Variants in DIAPH2 observed in about 807,000 individuals in gnomAD.
DIAPH2 encodes diaphanous related formin 2.
A neutral mutation model predicts 92.7 loss-of-function variants in DIAPH2; 35 were observed. The ratio of observed to expected loss-of-function variants is 0.38; its 90% CI spans 0.29 to 0.50. DIAPH2 has a LOEUF of 0.50. Ranked by LOEUF, DIAPH2 falls within the 20% of genes least tolerant of loss-of-function variation. The pLI is 0.94. For synonymous variants in DIAPH2, 301 were observed against 280.4 expected (o/e 1.07, Z -0.73); for missense variants, 701 against 819.5 (o/e 0.86, Z 1.77).
rs1184858557 is a variant in DIAPH2 at position 96,962,490 on chromosome X, C to CATATATAT, written c.1936-2602_1936-2601insTATATATA. ...ATACATATATATATACACACACACACACACACATATATATATATATATATA... is the reference window on the plus strand; with the variant it reads ...ATACATATATATATACACACACACACATATATATACACACATATATATATATATATATA... On this transcript the variant is annotated intron_variant, in intron 16 of 26. Transcript: ENST00000324765. Among the ~76,000 whole-genome samples, 39 of 48,920 alleles carry CATATATAT rather than the reference C, an allele frequency of 8.0e-4. 5 individuals carry two copies. The highest frequency in any genetic ancestry group is 4.5e-3 in the African/African-American group (38 of 8,397). 42.5% of individuals were successfully genotyped at this position (48,920 alleles called of 115,157 possible).
rs2070337032 is a variant in DIAPH2 at position 97,449,093 on chromosome X, T to G, written c.3241+19348T>G. 2.7e-5 allele frequency among the ~76,000 whole-genome samples: 3 copies of G among 112,066 alleles called. No individual in the cohort carries two copies. The South Asian group carries it at 1.1e-3, about 41-fold the overall frequency. On this transcript the variant is annotated intron_variant, in intron 26 of 26. Coordinates refer to ENST00000324765, the MANE Select transcript of DIAPH2 (RefSeq NM_006729.5). ...CATTTGCTATGTTAATTTTTTACTT[T>G]GGGACTTTTTAATGCCAGATTTGTG...
At chrX:96,704,403 A>T (rs2063872043) in intron 1 of DIAPH2, among the ~76,000 whole-genome samples, 1 of 111,746 alleles carries the variant, frequency 8.9e-6, no homozygotes, top group Admixed American at 9.5e-5. Context: ...TTGAGTCAAA[A>T]TATTGCCTGG....
chrX:97,066,773 A>G (rs1021377356), intron 17 of DIAPH2, among the ~76,000 whole-genome samples: 1 of 112,068 alleles, frequency 8.9e-6, no homozygotes, highest in African/African-American at 3.2e-5. Flanking sequence ...CAGGTGTGCA[A>G]GTATATTAGT....
intron 22 of DIAPH2, among the ~76,000 whole-genome samples, chrX:97,197,554 C>T (rs1314802782): frequency 8.9e-6 from 1 of 112,024 alleles, no homozygotes; most frequent in Non-Finnish European, 1.9e-5. Flanking sequence ...CAATCGATCA[C>T]ATATGTAAGA....
chrX:96,748,278 A>C (rs1014469799), intron 3 of DIAPH2, among the ~76,000 whole-genome samples: 6 of 112,082 alleles, frequency 5.4e-5, no homozygotes, highest in Non-Finnish European at 7.5e-5. Context: ...GTAGGATGCT[A>C]CATGTTGGAA....
chrX:96,862,154 A>G (rs1030226669), intron 4 of DIAPH2, among the ~76,000 whole-genome samples: 3 of 111,908 alleles, frequency 2.7e-5, no homozygotes, highest in African/African-American at 9.7e-5. Flanking sequence ...CCTTTGGTTT[A>G]CTACCATATC....
At chrX:96,986,783 A>G (rs1282705731) in intron 17 of DIAPH2, among the ~76,000 whole-genome samples, 1 of 111,281 alleles carries the variant, frequency 9.0e-6, no homozygotes, top group Non-Finnish European at 1.9e-5. Context: ...AATATTAGAC[A>G]TCTCTTTGCC....
chrX:97,248,921 C>G (rs765234655), intron 23 of DIAPH2, among the ~76,000 whole-genome samples: 2 of 111,617 alleles, frequency 1.8e-5, no homozygotes, highest in South Asian at 7.4e-4. Flanking sequence ...TTTAGTGATT[C>G]TGAGTACCTT....
chrX:97,114,409 A>C (rs1046293632), intron 20 of DIAPH2, among the ~76,000 whole-genome samples: 2 of 111,771 alleles, frequency 1.8e-5, no homozygotes, highest in Admixed American at 1.9e-4. Context: ...CACCTCAGGG[A>C]CAGATTTTGG....
chrX:96,698,115 C>G (rs1391943983), intron 1 of DIAPH2, among the ~76,000 whole-genome samples: 1 of 111,865 alleles, frequency 8.9e-6, no homozygotes, highest in Non-Finnish European at 1.9e-5. Flanking sequence ...TACTTTACTA[C>G]TGTTGCATAT....
At chrX:96,966,480 A>G (rs2065894475) in intron 17 of DIAPH2, among the ~76,000 whole-genome samples, 2 of 112,329 alleles carry the variant, frequency 1.8e-5, no homozygotes, top group Admixed American at 9.4e-5. Context: ...CATTAATTCT[A>G]ATTTTTCACA....
At chrX:97,542,982 T>C (rs764221518) in intron 26 of DIAPH2, among the ~76,000 whole-genome samples, 4 of 112,276 alleles carry the variant, frequency 3.6e-5, no homozygotes, top group Non-Finnish European at 5.6e-5. Flanking sequence ...TCAGAAAGTA[T>C]ATTCCATTAT....
At chrX:97,469,698 A>G (rs1346125268) in intron 26 of DIAPH2, 1 of 1,207,277 alleles carries the variant, frequency 8.3e-7, no homozygotes, top group Admixed American at 2.2e-5. Context: ...CTGCAGTGGT[A>G]AATCATCCCT....
intron 4 of DIAPH2, among the ~76,000 whole-genome samples, chrX:96,859,610 C>CTTAT (rs35571904): frequency 0.019 from 1,781 of 94,407 alleles, 16 homozygotes; most frequent in African/African-American, 0.028. Flanking sequence ...ATAATAGATT[C>CTTAT]TTATTTATTT....
At chrX:97,135,588 C>G (rs943467764) in intron 21 of DIAPH2, among the ~76,000 whole-genome samples, 3 of 110,958 alleles carry the variant, frequency 2.7e-5, no homozygotes, top group Non-Finnish European at 5.7e-5. Context: ...CCTTTCCACA[C>G]GCATACCATC....
intron 4 of DIAPH2, among the ~76,000 whole-genome samples, chrX:96,837,406 T>TCC (rs1333416167): frequency 8.9e-5 from 5 of 55,925 alleles, no homozygotes; most frequent in Non-Finnish European, 1.7e-4. Context: ...CCTCCCTCCC[T>TCC]CTCTCTCTCT....
At position 97,240,466 on chromosome X, in the gene DIAPH2, C is replaced by T. The variant is rs187101892; in HGVS notation, c.2720-7249C>T. ...CTAAAAATACAAAAAGTTAGCCGGG[C>T]GTGGTGGCGGGCGCCTGTAGTCCCA... On this transcript the variant is annotated intron_variant, in intron 22 of 26. Transcript: ENST00000324765. Among the ~76,000 whole-genome samples the T allele has an allele frequency of 5.9e-3, 647 of 110,099 alleles. 2 individuals are homozygous for T. The highest frequency in any genetic ancestry group is 0.02 in the African/African-American group (608 of 30,173).
chrX:97,076,046 G>A (rs1450272064), intron 19 of DIAPH2, among the ~76,000 whole-genome samples: 1 of 112,150 alleles, frequency 8.9e-6, no homozygotes, highest in Non-Finnish European at 1.9e-5. Flanking sequence ...AAAGTGCTTT[G>A]TATGATAAAG....
intron 26 of DIAPH2, among the ~76,000 whole-genome samples, chrX:97,514,858 C>T (rs745980433): frequency 6.3e-5 from 7 of 111,715 alleles, no homozygotes; most frequent in South Asian, 3.8e-4. Context: ...GAGGAGGCAG[C>T]CTGCCCGTTC....
Sources: gnomAD v4.1 joint callset for allele counts (sites outside exome capture counted in the v4.1 genomes callset) on GRCh38, gnomAD v4.1.1 for gene constraint, MANE v1.5 for transcripts, NCBI Gene and HGNC (gene_info 2026-07-23, HGNC 2026-07-21) for gene names.